STRAP: variants seen among roughly 807,000 people sequenced by gnomAD.
STRAP encodes the protein serine-threonine kinase receptor-associated protein.
In STRAP, 16 loss-of-function variants were observed where a neutral mutation model predicts 47.0. The ratio of observed to expected loss-of-function variants is 0.34; its 90% CI spans 0.23 to 0.52. STRAP has a LOEUF of 0.52. STRAP is among the 20% of genes least tolerant of loss of function. The pLI is 0.96. For synonymous variants in STRAP, 130 were observed against 142.7 expected (o/e 0.91, Z 0.63); for missense variants, 293 against 420.0 (o/e 0.70, Z 2.64).
intron 2 of STRAP, among the ~76,000 whole-genome samples, chr12:15,885,622 C>A (rs1564183): frequency 0.64 from 97,063 of 151,684 alleles, 35,563 homozygotes; most frequent in South Asian, 0.82. Context: ...GTGGCAGATA[C>A]GTGACTGTAT....
chr12:15,882,437 C>T lies in STRAP; in HGVS notation c.-271C>T. On this transcript the variant is annotated 5_prime_UTR_variant, in exon 1 of 10. Coordinates refer to ENST00000419869, the MANE Select transcript of STRAP (RefSeq NM_007178.4). ...TGTGGACGCTGTGAATCGTGGCTGG[C>T]CCGGTTCTCCGCTTCTCCCCATCCC... 3.9e-6 allele frequency: 2 copies of T among 508,664 alleles called. No homozygotes were observed. The highest frequency in any genetic ancestry group is 2.5e-5 in the South Asian group (1 of 40,392). The allele number at this position is 508,664 out of a possible 1,614,324, so 31.5% of individuals were successfully genotyped here. A position where few individuals can be genotyped will look rare whatever the true frequency, so the allele number is the denominator to read the frequency against.
Position 15,882,576 on chromosome 12 carries a change from C to A in STRAP, c.-132C>A. 1.5e-6 allele frequency: 1 copy of A among 687,112 alleles called. No homozygotes were observed. The highest frequency in any genetic ancestry group is 1.8e-5 in the South Asian group (1 of 56,984). 42.6% of individuals were successfully genotyped at this position (687,112 alleles called of 1,614,324 possible). A position where few individuals can be genotyped will look rare whatever the true frequency, so the allele number is the denominator to read the frequency against. ...ACCTCGGTGCCACCGGATTGCCCTTCTTTTCCTGTTGCCCAGCCCAGCCCT... is the reference window on the plus strand; with the variant it reads ...ACCTCGGTGCCACCGGATTGCCCTTATTTTCCTGTTGCCCAGCCCAGCCCT... On this transcript the variant is annotated 5_prime_UTR_variant, in exon 1 of 10. Transcript: ENST00000419869.
rs879018324 is a variant in STRAP, at chr12:15,882,404, G to A, written c.-304G>A. 55 of 441,260 alleles carry A rather than the reference G, an allele frequency of 1.2e-4. 1 individual carries two copies. In the South Asian group the frequency reaches 1.5e-3, roughly 12 times the overall value. The allele number at this position is 441,260 out of a possible 1,614,324, so 27.3% of individuals were successfully genotyped here. On this transcript the variant is annotated 5_prime_UTR_variant, in exon 1 of 10. Transcript: ENST00000419869. ...GTCATTTACGTCGTCACTTCCTGCC[G>A]ATGCCGGTGTGGACGCTGTGAATCG... is the stretch of plus-strand genomic sequence containing the variant.
chr12:15,897,511 A>G (rs1948069942), intron 6 of STRAP, among the ~76,000 whole-genome samples: 1 of 152,166 alleles, frequency 6.6e-6, no homozygotes, highest in Admixed American at 6.5e-5. Context: ...CTGTTTACAA[A>G]GATAATATGT....
chr12:15,886,948 A>G (rs1222977871), intron 2 of STRAP, among the ~76,000 whole-genome samples: 1 of 152,154 alleles, frequency 6.6e-6, no homozygotes, highest in Admixed American at 6.5e-5. Flanking sequence ...CTTTGTATCT[A>G]TTTGGGAAGA....
chr12:15,891,454 T>C (rs935331386), intron 4 of STRAP, among the ~76,000 whole-genome samples: 4 of 152,256 alleles, frequency 2.6e-5, no homozygotes, highest in Non-Finnish European at 5.9e-5. Context: ...GTAATGACTT[T>C]CTGGTTTTCC....
At chr12:15,884,717 T>C (rs1056692571) in intron 2 of STRAP, among the ~76,000 whole-genome samples, 3 of 152,048 alleles carry the variant, frequency 2.0e-5, no homozygotes, top group Admixed American at 1.3e-4. Context: ...TCTGGTTTGA[T>C]TGGTCTGGGG....
At position 15,882,810 on chromosome 12, in the gene STRAP, G is replaced by T. The variant is rs1947933728; in HGVS notation, c.103G>T (p.Ala35Ser). The T allele has an allele frequency of 6.2e-7, 1 of 1,612,994 alleles. No homozygotes were observed. The highest frequency in any genetic ancestry group is 1.1e-5 in the South Asian group (1 of 90,754). The part of the protein sequence containing the change: ...ITPYGYFLIS[A>S]CKDGKPMLRQ... ...GCCTTATGGGTATTTCTTAATCAGCGCTTGCAAAGGTGAGCAAGGCCGCAA... is the reference window on the plus strand; with the variant it reads ...GCCTTATGGGTATTTCTTAATCAGCTCTTGCAAAGGTGAGCAAGGCCGCAA... The change falls in exon 1 of 10, where the codon GCT becomes TCT. Residue 35 changes from alanine (A) to serine (S), a missense_variant. Ala to Ser is a moderately conservative substitution (Grantham distance 99). Around this residue, in one of 5 missense-constraint regions of STRAP, gnomAD observed 32 missense variants for 76.1 expected, o/e 0.42. Coordinates refer to ENST00000419869, the MANE Select transcript of STRAP (RefSeq NM_007178.4).
intron 1 of STRAP, 128 bp from the exon 2 acceptor site, chr12:15,883,413 G>A (rs1565572153): frequency 2.9e-6 from 3 of 1,021,918 alleles, no homozygotes; most frequent in Non-Finnish European, 4.2e-6. Flanking sequence ...TTCAGTGGGT[G>A]GTGGTAGTTA....
chr12:15,899,128 G>T (rs1948083417), intron 7 of STRAP, among the ~76,000 whole-genome samples: 1 of 152,152 alleles, frequency 6.6e-6, no homozygotes, highest in Non-Finnish European at 1.5e-5. Flanking sequence ...AAGATCTGAA[G>T]TCACAGTGAA....
chr12:15,892,756 C>G (rs1342663438), intron 4 of STRAP, among the ~76,000 whole-genome samples: 7 of 152,008 alleles, frequency 4.6e-5, no homozygotes, highest in Non-Finnish European at 1.0e-4. Flanking sequence ...TTTGATAAAT[C>G]TATGCCAAAA....
rs1389053254 is a variant in STRAP, at chr12:15,893,943, T to G, written c.404-104T>G. 4.4e-6 allele frequency: 4 copies of G among 913,826 alleles called. No homozygotes were observed. In the African/African-American group the frequency reaches 5.1e-5, roughly 12 times the overall value. The allele number at this position is 913,826 out of a possible 1,614,324, so 56.6% of individuals were successfully genotyped here. On this transcript the variant is annotated intron_variant, in intron 4 of 9. Transcript: ENST00000419869. ...TGGGCTGGGCTTTGAAAAGTTGCAG[T>G]CTAATTTAAAATGTGTGTTTTTAAA... is the stretch of plus-strand genomic sequence containing the variant.
At position 15,896,910 on chromosome 12, in the gene STRAP, G is replaced by C. The variant is rs900894065; in HGVS notation, c.639-972G>C. Among the ~76,000 whole-genome samples, 2 of 152,224 alleles carry C rather than the reference G, an allele frequency of 1.3e-5. No homozygotes were observed. Among genetic ancestry groups the C allele is most frequent in the Admixed American group, 1.3e-4 (2 of 15,286 alleles). On this transcript the variant is annotated intron_variant, in intron 6 of 9. Transcript: ENST00000419869. This position sits in a 1 kb window ranked among gnomAD's most constrained non-coding sequence, Gnocchi z 4.1. ...TGTCTAAAGGGCTAACTGGGAGAAA[G>C]AAAAGGCGGTAAAATTGGAGGAGAG...
At position 15,887,461 on chromosome 12, in the gene STRAP, AT is replaced by A. The variant is rs1186362946; in HGVS notation, c.249-2464del. Among the ~76,000 whole-genome samples, 8 of 152,300 alleles carry A rather than the reference AT, an allele frequency of 5.3e-5. No homozygotes were observed. In the East Asian group the frequency reaches 1.4e-3, roughly 26 times the overall value. ...CCCTGTGGCCAACTAATATATGTCA[AT>A]TTCTTGCCTGGAGATTGAATAATAC... On this transcript the variant is annotated intron_variant, in intron 2 of 9. Transcript: ENST00000419869. This position sits in a 1 kb window ranked among gnomAD's most constrained non-coding sequence, Gnocchi z 5.5.
At chr12:15,885,497 T>TTC (rs1223298630) in intron 2 of STRAP, among the ~76,000 whole-genome samples, 1 of 150,724 alleles carries the variant, frequency 6.6e-6, no homozygotes, top group East Asian at 1.9e-4. Context: ...CCTTTTTTTT[T>TTC]TTTTTTTTTA....
intron 6 of STRAP, 101 bp from the exon 7 acceptor site, chr12:15,897,781 T>G: frequency 1.2e-6 from 1 of 810,722 alleles, no homozygotes; most frequent in Non-Finnish European, 1.8e-6. Context: ...AAATGAGTAT[T>G]TAATTGTTCC....
Position 15,890,006 on chromosome 12 carries a change from G to C in STRAP, c.327G>C (p.Thr109=), listed in dbSNP as rs565923556. 7.4e-6 allele frequency: 12 copies of C among 1,613,254 alleles called. No homozygotes were observed. The highest frequency in any genetic ancestry group is 8.5e-6 in the Non-Finnish European group (10 of 1,179,400). ...HKHIVKTVDF[T]QDSNYLLTGG... ...ACATTGTCAAGACTGTGGATTTCAC[G>C]CAGGTATCAGAAAATGGAATTTATT... Residue 109 remains threonine (T), a synonymous_variant, in exon 3 of 10, where the codon ACG becomes ACC. Transcript: ENST00000419869. This position sits in a 1 kb window ranked among gnomAD's most constrained non-coding sequence, Gnocchi z 4.5.
In STRAP at chr12:15,882,773, C is replaced by T. The variant is rs1401100660; in HGVS notation, c.66C>T (p.Phe22=). Residue 22 remains phenylalanine (F), a synonymous_variant, in exon 1 of 10, where the codon TTC becomes TTT. Coordinates refer to ENST00000419869, the MANE Select transcript of STRAP (RefSeq NM_007178.4). ...CGCGACCCGTGGTTGATTTGGCCTT[C>T]AGTGGCATCACGCCTTATGGGTATT... The part of the protein sequence containing the change: ...GHTRPVVDLA[F]SGITPYGYFL... 2.5e-6 allele frequency: 4 copies of T among 1,613,794 alleles called. No individual in the cohort carries two copies. The highest frequency in any genetic ancestry group is 3.4e-6 in the Non-Finnish European group (4 of 1,179,974).
chr12:15,895,311 C>CT, intron 5 of STRAP, 48 bp from the exon 6 acceptor site: 1 of 1,395,458 alleles, frequency 7.2e-7, no homozygotes, highest in Non-Finnish European at 9.5e-7. Flanking sequence ...AATTTATAAA[C>CT]TTTTTTCTTA....
Sources: allele counts gnomAD v4.1 joint callset (sites outside exome capture counted in the v4.1 genomes callset), GRCh38; gene constraint gnomAD v4.1.1; regional missense constraint gnomAD v4.1.1; non-coding constraint Gnocchi (gnomAD v3.1); transcripts MANE v1.5; gene names NCBI Gene and HGNC (gene_info 2026-07-23, HGNC 2026-07-21).